Variants in CELSR1 observed in about 807,000 individuals in gnomAD.
CELSR1 encodes cadherin EGF LAG seven-pass G-type receptor 1, also known as adhesion G protein-coupled receptor C1.
A neutral mutation model predicts 249.1 loss-of-function variants in CELSR1; 110 were observed. That is an observed-to-expected ratio of 0.44 (90% CI 0.38 to 0.52). CELSR1 has a LOEUF of 0.52. CELSR1 is among the 20% of genes least tolerant of loss of function. The pLI is 0.00. For synonymous variants in CELSR1, 2,113 were observed against 1,900.0 expected, an observed-to-expected ratio of 1.11 and a Z score of -2.92; for missense variants, 4,109 against 4,296.4, an observed-to-expected ratio of 0.96 and a Z score of 1.22.
intron 1 of CELSR1, among the ~76,000 whole-genome samples, chr22:46,480,153 T>G (rs2080252258): frequency 6.6e-6 from 1 of 152,234 alleles, no homozygotes; most frequent in Non-Finnish European, 1.5e-5. Context: ...AAAGTGTTAC[T>G]GCAAGATTGT....
rs993262181 is a variant in CELSR1 at position 46,454,366 on chromosome 22, C to T, written c.4183+9341G>A. On this transcript the variant is annotated intron_variant, in intron 2 of 34. Transcript: ENST00000674500. This position sits in a 1 kb window ranked among gnomAD's most constrained non-coding sequence, Gnocchi z 5.1. ...GGAGACTCGTGCAGGGGTGAGCGAGCGTGCCCAGCCCTGCTGTCACGGAGC... is the reference window on the plus strand; with the variant it reads ...GGAGACTCGTGCAGGGGTGAGCGAGTGTGCCCAGCCCTGCTGTCACGGAGC... 6.6e-6 allele frequency among the ~76,000 whole-genome samples: 1 copy of T among 152,278 alleles called. No individual in the cohort carries two copies. The highest frequency in any genetic ancestry group is 3.4e-3 in the Middle Eastern group (1 of 294).
At chr22:46,476,382 G>T (rs2080208216) in intron 1 of CELSR1, among the ~76,000 whole-genome samples, 1 of 152,064 alleles carries the variant, frequency 6.6e-6, no homozygotes, top group Non-Finnish European at 1.5e-5. Context: ...GATTGCCTGA[G>T]CTCAGGAGTT....
chr22:46,389,153 T>A (rs747521473), intron 18 of CELSR1, 137 bp downstream of exon 18: 1 of 977,942 alleles, frequency 1.0e-6, no homozygotes, highest in Non-Finnish European at 1.6e-6. Context: ...GGGCTCACAT[T>A]TGAGAAATGA....
At position 46,463,984 on chromosome 22, in the gene CELSR1, G is replaced by A. The variant is rs756104205; in HGVS notation, c.3906C>T (p.Phe1302=). Residue 1302 remains phenylalanine (F), a synonymous_variant, in exon 2 of 35, where the codon TTC becomes TTT. Transcript: ENST00000674500. ...GCTCGCGCAGGCAGATGTTGTCGTC[G>A]AAGGGCAGCACGCGCTGCGTGGAGA... The part of the protein sequence containing the change: ...TTISTQRVLP[F]DDNICLREPC... 5 of 1,613,828 alleles carry A rather than the reference G, an allele frequency of 3.1e-6. No individual in the cohort carries two copies. The highest frequency in any genetic ancestry group is 2.2e-5 in the East Asian group (1 of 44,890).
rs1024905132 is a variant in CELSR1 at position 46,410,687 on chromosome 22, C to G, written c.4770-126G>C. 4.3e-6 allele frequency: 4 copies of G among 921,392 alleles called. No individual in the cohort carries two copies. The East Asian group carries it at 1.1e-4, about 24-fold the overall frequency. 57.1% of individuals were successfully genotyped at this position (921,392 alleles called of 1,614,324 possible). On this transcript the variant is annotated intron_variant, in intron 6 of 34. Transcript: ENST00000674500. The surrounding 1 kb of genome is among the most constrained non-coding windows in gnomAD (Gnocchi z 6.8). ...CTACTTCAGAAACCAAGCAGACAGG[C>G]GGGGAGAGGCCAAAGTCAGAGGGGG...
intron 30 of CELSR1, 31 bp downstream of exon 30, chr22:46,366,355 C>T (rs2078781084): frequency 2.0e-6 from 3 of 1,490,086 alleles, no homozygotes; most frequent in Non-Finnish European, 2.7e-6. Context: ...GTTCGAGAGC[C>T]ACCTCCCCGA....
rs2079276742 is a variant in CELSR1 at position 46,407,222 on chromosome 22, CACAT to C, written c.5226+1770_5226+1773del. 6.6e-6 allele frequency among the ~76,000 whole-genome samples: 1 copy of C among 152,210 alleles called. No individual in the cohort carries two copies. ...CCAGGTCTCATCACATGGGTGCACA[CACAT>C]ACATATACAGCCACATGCACACAGA... On this transcript the variant is annotated intron_variant, in intron 9 of 34. Coordinates refer to ENST00000674500, the MANE Select transcript of CELSR1 (RefSeq NM_001378328.1). The surrounding 1 kb of genome is among the most constrained non-coding windows in gnomAD (Gnocchi z 4.8).
intron 1 of CELSR1, among the ~76,000 whole-genome samples, chr22:46,514,866 G>A (rs77068715): frequency 0.011 from 1,700 of 152,226 alleles, 17 homozygotes; most frequent in Middle Eastern, 0.02. Context: ...ATGCCTGTCC[G>A]TACCCGCCGT....
Position 46,427,325 on chromosome 22 carries a change from C to G in CELSR1, c.4611+6068G>C, listed in dbSNP as rs140042. 0.044 allele frequency among the ~76,000 whole-genome samples: 6,679 copies of G among 152,258 alleles called. 224 individuals are homozygous for G. The highest frequency in any genetic ancestry group is 0.069 in the Non-Finnish European group (4,702 of 68,016). On this transcript the variant is annotated intron_variant, in intron 5 of 34. Transcript: ENST00000674500. The surrounding 1 kb of genome is among the most constrained non-coding windows in gnomAD (Gnocchi z 4.2). ...CCAAGGCAGGGAGATCACCTGAGGT[C>G]AGGAGTTTGAAAACAACCTGGCCAA...
rs751108177 is a variant in CELSR1, at chr22:46,535,581, G to A, written c.1590C>T (p.Tyr530=). 1.9e-6 allele frequency: 3 copies of A among 1,613,350 alleles called. No individual in the cohort carries two copies. The highest frequency in any genetic ancestry group is 1.7e-6 in the Non-Finnish European group (2 of 1,180,046). ...CATCCTGGGCCTTAATGCTCAGCGA[G>A]TATTTCTGGACATCCTCGAAATCCA... ...NPLDFEDVQK[Y]SLSIKAQDGG... The change falls in exon 1 of 35, where the codon TAC becomes TAT. Residue 530 remains tyrosine (Y), a synonymous_variant. Coordinates refer to ENST00000674500, the MANE Select transcript of CELSR1 (RefSeq NM_001378328.1).
At chr22:46,371,576 C>A (rs2147182305) in intron 25 of CELSR1, among the ~76,000 whole-genome samples, 1 of 152,018 alleles carries the variant, frequency 6.6e-6, no homozygotes, top group East Asian at 1.9e-4. Flanking sequence ...CTGCACCCAC[C>A]CATCCATTTA....
chr22:46,393,163 C>T lies in CELSR1; in HGVS notation c.5964+979G>A, dbSNP rs189684512. Among the ~76,000 whole-genome samples, 99 of 152,314 alleles carry T rather than the reference C, an allele frequency of 6.5e-4. 3 individuals carry two copies. The East Asian group carries it at 0.015, about 23-fold the overall frequency. ...AAGCTCACGTCCCTCGCCCAGGCTC[C>T]TGTTACCCTCAGACCTAACATTTGG... is the stretch of plus-strand genomic sequence containing the variant. On this transcript the variant is annotated intron_variant, in intron 14 of 34. Transcript: ENST00000674500. This position sits in a 1 kb window ranked among gnomAD's most constrained non-coding sequence, Gnocchi z 4.1.
rs544352270 is a variant in CELSR1, at chr22:46,460,178, AACAC to A, written c.4183+3525_4183+3528del. Among the ~76,000 whole-genome samples, 522 of 103,002 alleles carry A rather than the reference AACAC, an allele frequency of 5.1e-3. 3 individuals are homozygous for A. The highest frequency in any genetic ancestry group is 0.035 in the Middle Eastern group (7 of 202). The allele number at this position is 103,002 out of a possible 152,430, so 67.6% of individuals were successfully genotyped here. ...GTGACACAGTGAGACTCAGTCTCAA[AACAC>A]ACACACACACACACACACACACACA... is the stretch of plus-strand genomic sequence containing the variant. On this transcript the variant is annotated intron_variant, in intron 2 of 34. Transcript: ENST00000674500.
Position 46,430,599 on chromosome 22 carries a change from C to A in CELSR1, c.4611+2794G>T, listed in dbSNP as rs1413361152. On this transcript the variant is annotated intron_variant, in intron 5 of 34. Transcript: ENST00000674500. The surrounding 1 kb of genome is among the most constrained non-coding windows in gnomAD (Gnocchi z 4.6). ...TCCCACCCTGAGCCTGTCGTCTTCC[C>A]CAAAACCTTCCCTGGTGGCCCAAGG... 1.3e-5 allele frequency among the ~76,000 whole-genome samples: 2 copies of A among 152,160 alleles called. No homozygotes were observed. The highest frequency in any genetic ancestry group is 4.8e-5 in the African/African-American group (2 of 41,422).
intron 23 of CELSR1, 161 bp from the exon 24 acceptor site, chr22:46,377,422 G>C (rs2078931250): frequency 1.3e-6 from 1 of 749,874 alleles, no homozygotes; most frequent in African/African-American, 1.7e-5. Flanking sequence ...TCTGGGCCTG[G>C]AACTGCCCCT....
At chr22:46,397,610 C>G (rs545205149) in intron 12 of CELSR1, 64 bp downstream of exon 12, 6 of 1,350,274 alleles carry the variant, frequency 4.4e-6, no homozygotes, top group East Asian at 5.8e-5. Flanking sequence ...ACTGAGCCCC[C>G]CTCCTGTGTT....
chr22:46,483,904 G>C, intron 1 of CELSR1, among the ~76,000 whole-genome samples: 1 of 152,208 alleles, frequency 6.6e-6, no homozygotes. Context: ...ATATGGAGCT[G>C]CAAGGCTTTC....
chr22:46,515,569 C>T (rs576977276), intron 1 of CELSR1, among the ~76,000 whole-genome samples: 2 of 152,262 alleles, frequency 1.3e-5, no homozygotes, highest in South Asian at 4.1e-4. Flanking sequence ...GCAGGGCACC[C>T]CGGGGGCTGG....
In CELSR1 at chr22:46,362,500, G is replaced by A. The variant is rs2078715848; in HGVS notation, c.*723C>T. The A allele has an allele frequency of 6.6e-6, 1 of 152,544 alleles. No homozygotes were observed. The highest frequency in any genetic ancestry group is 1.5e-5 in the Non-Finnish European group (1 of 68,098). 9.4% of individuals were successfully genotyped at this position (152,544 alleles called of 1,614,324 possible). ...CAGCTGTAGGGCTTCTAGCCGCTTG[G>A]TTTTAGCCCCACTGCTGACGTATTT... On this transcript the variant is annotated 3_prime_UTR_variant, in exon 35 of 35. Transcript: ENST00000674500.
Sources: allele counts gnomAD v4.1 joint callset (sites outside exome capture counted in the v4.1 genomes callset), GRCh38; gene constraint gnomAD v4.1.1; non-coding constraint Gnocchi (gnomAD v3.1); transcripts MANE v1.5; gene names NCBI Gene and HGNC (gene_info 2026-07-23, HGNC 2026-07-21).